The following RBFOX1 variants were observed in gnomAD, a reference collection of about 807,000 sequenced individuals.
RBFOX1 encodes the protein RNA binding protein fox-1 homolog 1.
RBFOX1 carries 8 observed loss-of-function variants against 57.7 expected under a neutral mutation model. The observed-to-expected ratio is 0.14, with a 90% CI of 0.08 to 0.25. The LOEUF (loss-of-function observed/expected upper bound fraction) is 0.25. Among genes scored for constraint, RBFOX1 ranks in the 10% least tolerant of loss-of-function variants. The pLI is 1.00. For synonymous variants in RBFOX1, 326 were observed against 222.4 expected (o/e 1.47, Z -4.15); for missense variants, 611 against 548.5 (o/e 1.11, Z -1.14).
intron 4 of RBFOX1, among the ~76,000 whole-genome samples, chr16:7,466,014 G>C (rs1479601666): frequency 1.3e-5 from 2 of 152,158 alleles, no homozygotes; most frequent in Admixed American, 1.3e-4. Flanking sequence ...TAAGTAGAAA[G>C]TGCATCATCT....
chr16:6,671,826 C>T (rs541081551), intron 3 of RBFOX1, among the ~76,000 whole-genome samples: 2 of 152,160 alleles, frequency 1.3e-5, no homozygotes, highest in Non-Finnish European at 2.9e-5. Flanking sequence ...AGTATTCCAT[C>T]GAATCAGCGT....
chr16:5,813,513 G>C (rs189504456), intron 3 of RBFOX1, among the ~76,000 whole-genome samples: 1 of 152,116 alleles, frequency 6.6e-6, no homozygotes, highest in Admixed American at 6.5e-5. Flanking sequence ...CCACAGTATG[G>C]ATAAACCTTG....
At chr16:6,621,215 A>C (rs957050654) in intron 2 of RBFOX1, among the ~76,000 whole-genome samples, 1 of 152,174 alleles carries the variant, frequency 6.6e-6, no homozygotes, top group Non-Finnish European at 1.5e-5. Flanking sequence ...TATTCCCAGC[A>C]CATTGGGAGG....
At chr16:6,775,988 C>T (rs957420394) in intron 3 of RBFOX1, 1 of 152,190 alleles carries the variant, frequency 6.6e-6, no homozygotes, top group Non-Finnish European at 1.5e-5. Flanking sequence ...CAAGTCTGAT[C>T]ACAGCCACAA....
At chr16:7,334,705 G>T (rs779047654) in intron 4 of RBFOX1, among the ~76,000 whole-genome samples, 2 of 152,132 alleles carry the variant, frequency 1.3e-5, no homozygotes, top group Non-Finnish European at 2.9e-5. Flanking sequence ...CTGTCATTAC[G>T]AAATGCCACT....
intron 4 of RBFOX1, among the ~76,000 whole-genome samples, chr16:7,484,809 T>C (rs542420236): frequency 2.6e-5 from 4 of 152,322 alleles, no homozygotes; most frequent in South Asian, 2.1e-4. Context: ...TATATTGTTA[T>C]GTATCTAACT....
At chr16:7,472,375 C>T (rs747716373) in intron 4 of RBFOX1, among the ~76,000 whole-genome samples, 6 of 151,934 alleles carry the variant, frequency 3.9e-5, no homozygotes, top group Non-Finnish European at 8.8e-5. Context: ...AACAGTAATA[C>T]CCTCTTGCAG....
chr16:7,182,286 A>T (rs924164418), intron 4 of RBFOX1, among the ~76,000 whole-genome samples: 1 of 152,054 alleles, frequency 6.6e-6, no homozygotes, highest in Non-Finnish European at 1.5e-5. Context: ...TAGGGATGTG[A>T]GGTTGAATTC....
At chr16:6,289,997 G>A in intron 1 of RBFOX1, among the ~76,000 whole-genome samples, 1 of 152,138 alleles carries the variant, frequency 6.6e-6, no homozygotes, top group East Asian at 1.9e-4. Flanking sequence ...AGGAGAAGAG[G>A]AAACAAGATC....
chr16:5,308,889 T>C (rs943919770), intron 1 of RBFOX1, among the ~76,000 whole-genome samples: 3 of 152,196 alleles, frequency 2.0e-5, no homozygotes, highest in Non-Finnish European at 2.9e-5. Flanking sequence ...ACCTCCCTGC[T>C]AAATGCATTG....
intron 3 of RBFOX1, among the ~76,000 whole-genome samples, chr16:6,720,510 A>C (rs1263165763): frequency 6.6e-6 from 1 of 152,214 alleles, no homozygotes; most frequent in Non-Finnish European, 1.5e-5. Flanking sequence ...GCCAGGGATA[A>C]TTCAGGAAAG....
At chr16:6,939,033 T>G (rs77967227) in intron 3 of RBFOX1, among the ~76,000 whole-genome samples, 1 of 152,210 alleles carries the variant, frequency 6.6e-6, no homozygotes, top group African/African-American at 2.4e-5. Context: ...CCTTGACATG[T>G]GACGAACTCT....
At chr16:5,569,451 TTTTTTTTTTTTTTTTTC>T (rs1467494128) in intron 2 of RBFOX1, among the ~76,000 whole-genome samples, 9 of 109,846 alleles carry the variant, frequency 8.2e-5, no homozygotes, top group South Asian at 5.9e-4. Context: ...TTTTTTTTTT[TTTTTTTTTTTTTTTTTC>T]TTCTTCTTTT....
chr16:6,257,575 A>G (rs1409870981), intron 1 of RBFOX1, among the ~76,000 whole-genome samples: 2 of 151,942 alleles, frequency 1.3e-5, no homozygotes, highest in African/African-American at 4.8e-5. Flanking sequence ...CCCACTTCCC[A>G]TCCTCCACCC....
chr16:5,591,246 A>T (rs1218386673), intron 2 of RBFOX1, among the ~76,000 whole-genome samples: 1 of 147,768 alleles, frequency 6.8e-6, no homozygotes, highest in African/African-American at 2.5e-5. Context: ...CTTCTCCAAA[A>T]TGAACCTTTT....
At chr16:5,892,525 G>A (rs2058069319) in intron 4 of RBFOX1, among the ~76,000 whole-genome samples, 1 of 152,142 alleles carries the variant, frequency 6.6e-6, no homozygotes, top group Non-Finnish European at 1.5e-5. Context: ...TGAAGATGAG[G>A]AAGAGAAGGA....
intron 1 of RBFOX1, among the ~76,000 whole-genome samples, chr16:6,109,505 A>G (rs1237063062): frequency 2.0e-5 from 3 of 152,166 alleles, no homozygotes; most frequent in African/African-American, 4.8e-5. Context: ...TCGATGATAT[A>G]TTTGTTGTAA....
chr16:6,368,076 T>C (rs1487827966), intron 2 of RBFOX1, among the ~76,000 whole-genome samples: 3 of 152,212 alleles, frequency 2.0e-5, no homozygotes, highest in African/African-American at 7.2e-5. Context: ...CTCTCTGAAG[T>C]TGTTTCCGTC....
In RBFOX1 at chr16:5,350,486, T is replaced by C. The variant is rs139672815; in HGVS notation, c.219+110381T>C. Among the ~76,000 whole-genome samples, 1,216 of 152,266 alleles carry C rather than the reference T, an allele frequency of 8.0e-3. 8 individuals are homozygous for C. The highest frequency in any genetic ancestry group is 0.024 in the Middle Eastern group (7 of 294). On this transcript the variant is annotated intron_variant, in intron 1 of 2. Coordinates refer to the RBFOX1 transcript ENST00000585867. The stretch of plus-strand genomic sequence containing the variant: ...TGGTTTTGGGTCCAGTACCATTTAG[T>C]TCCCGTGTCAGCCTTTGCTCTTTGT...
Sources: gnomAD v4.1 joint callset for allele counts (sites outside exome capture counted in the v4.1 genomes callset) on GRCh38, gnomAD v4.1.1 for gene constraint, MANE v1.5 for transcripts, NCBI Gene and HGNC (gene_info 2026-07-23, HGNC 2026-07-21) for gene names.